The following LINGO3 variants were observed in gnomAD, a reference collection of about 807,000 sequenced individuals.
LINGO3 encodes the protein leucine rich repeat and Ig domain containing 3.
For missense variants in LINGO3, 750 were observed against 867.7 expected, an observed-to-expected ratio of 0.86 and a Z score of 1.70; for synonymous variants, 427 against 444.2, an observed-to-expected ratio of 0.96 and a Z score of 0.49.
chr19:2,299,630 T>G, the LINGO3 span, among the ~76,000 whole-genome samples: 1 of 150,592 alleles, frequency 6.6e-6, no homozygotes, highest in Admixed American at 6.6e-5. Context: ...TTCACTGTGT[T>G]AGCCAGGATG....
chr19:2,306,059 G>A, the LINGO3 span, among the ~76,000 whole-genome samples: 13 of 152,388 alleles, frequency 8.5e-5, no homozygotes, highest in African/African-American at 2.6e-4. Context: ...ACGGGGGGCC[G>A]TGGACTGCCC....
the LINGO3 span, among the ~76,000 whole-genome samples, chr19:2,300,475 G>A: frequency 6.6e-6 from 1 of 151,788 alleles, no homozygotes; most frequent in Non-Finnish European, 1.5e-5. Context: ...CCACCCACCT[G>A]GGGCATTACC....
the LINGO3 span, among the ~76,000 whole-genome samples, chr19:2,303,773 G>C: frequency 6.6e-6 from 1 of 152,206 alleles, no homozygotes; most frequent in Non-Finnish European, 1.5e-5. Context: ...TCTCCACCCG[G>C]TTACCCACAC....
chr19:2,297,524 C>T, the LINGO3 span, among the ~76,000 whole-genome samples: 2 of 150,926 alleles, frequency 1.3e-5, no homozygotes, highest in South Asian at 2.1e-4. Flanking sequence ...AGGATGGTCT[C>T]GATCTCCTGA....
At chr19:2,304,350 G>T in the LINGO3 span, among the ~76,000 whole-genome samples, 2 of 149,608 alleles carry the variant, frequency 1.3e-5, no homozygotes, top group Non-Finnish European at 2.9e-5. Context: ...GGGGCCTGGG[G>T]TTGGCAGAAT....
At chr19:2,291,614 C>T (rs1431622979) in exon 1 of LINGO3, 2 of 1,489,472 alleles carry the variant, frequency 1.3e-6, no homozygotes, top group South Asian at 1.3e-5. Context: ...AGGCGGGTCT[C>T]GGCCGGGATG....
the LINGO3 span, among the ~76,000 whole-genome samples, chr19:2,298,341 C>T: frequency 2.0e-5 from 3 of 151,890 alleles, no homozygotes; most frequent in Non-Finnish European, 2.9e-5. Flanking sequence ...AGCGATCCTC[C>T]CACCTCAGCC....
At chr19:2,287,571 T>G (rs2025479303), downstream of LINGO3, among the ~76,000 whole-genome samples, 1 of 152,224 alleles carries the variant, frequency 6.6e-6, no homozygotes, top group South Asian at 2.1e-4. The surrounding 1 kb of genome is among the most constrained non-coding windows in gnomAD (Gnocchi z 4.5). Context: ...GAGAACGGGC[T>G]GTTGTCTCCT....
At chr19:2,305,814 G>C in the LINGO3 span, among the ~76,000 whole-genome samples, 1 of 152,206 alleles carries the variant, frequency 6.6e-6, no homozygotes, top group Admixed American at 6.5e-5. Context: ...TTCTAAGACG[G>C]ATATGGGAGG....
At chr19:2,302,218 C>T in the LINGO3 span, among the ~76,000 whole-genome samples, 9 of 151,736 alleles carry the variant, frequency 5.9e-5, no homozygotes, top group Non-Finnish European at 1.2e-4. Flanking sequence ...TGCGCCACTA[C>T]GCCCAGCTAA....
the LINGO3 span, among the ~76,000 whole-genome samples, chr19:2,298,199 A>G: frequency 6.6e-6 from 1 of 151,820 alleles, no homozygotes; most frequent in Non-Finnish European, 1.5e-5. Context: ...CATTTTCTAA[A>G]TTAGAGGTTT....
At chr19:2,299,386 T>A in the LINGO3 span, among the ~76,000 whole-genome samples, 1 of 152,212 alleles carries the variant, frequency 6.6e-6, no homozygotes, top group African/African-American at 2.4e-5. Context: ...GTGCCCTGAA[T>A]GCATCCGGTT....
chr19:2,295,083 C>G (rs1035740359), upstream of LINGO3, among the ~76,000 whole-genome samples: 1 of 152,074 alleles, frequency 6.6e-6, no homozygotes, highest in African/African-American at 2.4e-5. Flanking sequence ...AATCCCAGAG[C>G]GAACAGACGC....
upstream of LINGO3, among the ~76,000 whole-genome samples, chr19:2,293,274 C>T (rs1373906613): frequency 6.6e-6 from 1 of 151,866 alleles, no homozygotes; most frequent in Admixed American, 6.6e-5. Flanking sequence ...CCGTGTTAGC[C>T]AGGATGGTCT....
chr19:2,289,562 C>T (rs1325071040), downstream of LINGO3, among the ~76,000 whole-genome samples: 6 of 152,122 alleles, frequency 3.9e-5, no homozygotes, highest in South Asian at 1.0e-3. Flanking sequence ...GGGTGTCCAC[C>T]GTCTCCCCGA....
chr19:2,305,795 C>T, the LINGO3 span, among the ~76,000 whole-genome samples: 4 of 152,168 alleles, frequency 2.6e-5, no homozygotes, highest in African/African-American at 9.7e-5. Context: ...CTGGATGCCC[C>T]GTTTGAGCTT....
At chr19:2,306,422 C>A in the LINGO3 span, among the ~76,000 whole-genome samples, 1 of 152,180 alleles carries the variant, frequency 6.6e-6, no homozygotes, top group Non-Finnish European at 1.5e-5. Flanking sequence ...TACCTGGTGA[C>A]GAGGTAGTGA....
chr19:2,297,732 G>A, the LINGO3 span, among the ~76,000 whole-genome samples: 1 of 150,816 alleles, frequency 6.6e-6, no homozygotes, highest in Non-Finnish European at 1.5e-5. Context: ...AGCCTACCAA[G>A]TAGCTGGGAT....
In LINGO3 at chr19:2,291,081, C is replaced by T. The variant is rs1292889177; in HGVS notation, c.696G>A (p.Trp232Ter). 2 of 1,609,962 alleles carry T rather than the reference C, an allele frequency of 1.2e-6. No individual in the cohort carries two copies. The highest frequency in any genetic ancestry group is 1.7e-6 in the Non-Finnish European group (2 of 1,179,216). The stretch of plus-strand genomic sequence containing the variant: ...CCGCCGCCACCTCCTCCAGCAGCGG[C>T]CAGTTGTCAATCTCCAGGTGCAGCA... The change falls in exon 1 of 1, where the codon TGG becomes TGA. Residue 232 changes from tryptophan (W) to a stop codon, truncating the protein, a stop_gained. Coordinates refer to ENST00000585527, the Ensembl canonical transcript of LINGO3. LOFTEE classifies it low-confidence loss of function (END_TRUNC).
Sources: allele counts gnomAD v4.1 joint callset (sites outside exome capture counted in the v4.1 genomes callset), GRCh38; gene constraint gnomAD v4.1.1; non-coding constraint Gnocchi (gnomAD v3.1); transcripts MANE v1.5; gene names NCBI Gene and HGNC (gene_info 2026-07-23, HGNC 2026-07-21).